Variants in ITFG1 observed in about 807,000 individuals in gnomAD.
The protein encoded by ITFG1 is integrin alpha FG-GAP repeat containing 1.
Under a neutral mutation model 81.8 loss-of-function variants are expected in ITFG1, and 34 were observed. The ratio of observed to expected loss-of-function variants is 0.42; its 90% CI spans 0.32 to 0.55. The LOEUF (loss-of-function observed/expected upper bound fraction) is 0.55, where lower values mean the gene tolerates loss of function less well. Ranked by LOEUF, ITFG1 falls within the 20% of genes least tolerant of loss-of-function variation. The pLI is 0.17. For missense variants in ITFG1, 672 were observed against 755.4 expected (o/e 0.89, Z 1.29); for synonymous variants, 285 against 270.6 (o/e 1.05, Z -0.52).
chr16:47,244,946 C>A (rs1431982891), intron 12 of ITFG1, among the ~76,000 whole-genome samples: 1 of 152,108 alleles, frequency 6.6e-6, no homozygotes, highest in African/African-American at 2.4e-5. Flanking sequence ...TCTTTAACTT[C>A]CTAGCTTCTA....
intron 10 of ITFG1, among the ~76,000 whole-genome samples, chr16:47,305,629 T>C (rs1218468924): frequency 6.6e-6 from 1 of 152,162 alleles, no homozygotes; most frequent in Non-Finnish European, 1.5e-5. Context: ...TCCAGTATCT[T>C]AGAAAGAACA....
chr16:47,169,134 G>T (rs1188341936), intron 14 of ITFG1, among the ~76,000 whole-genome samples: 1 of 152,134 alleles, frequency 6.6e-6, no homozygotes, highest in Non-Finnish European at 1.5e-5. Flanking sequence ...TAGCTTTGTA[G>T]TAACTTTTGA....
At chr16:47,427,853 A>T (rs1355502842) in intron 6 of ITFG1, among the ~76,000 whole-genome samples, 2 of 152,158 alleles carry the variant, frequency 1.3e-5, no homozygotes, top group African/African-American at 4.8e-5. Flanking sequence ...ATTGTTGTTG[A>T]TTGGGTGTGG....
intron 8 of ITFG1, among the ~76,000 whole-genome samples, chr16:47,337,567 C>T (rs923795531): frequency 6.6e-6 from 1 of 152,064 alleles, no homozygotes; most frequent in Non-Finnish European, 1.5e-5. Flanking sequence ...GAGACTCTGT[C>T]TCATAAAATA....
chr16:47,188,483 AATC>A (rs1168861392), intron 14 of ITFG1, among the ~76,000 whole-genome samples: 1 of 150,860 alleles, frequency 6.6e-6, no homozygotes, highest in African/African-American at 2.4e-5. Flanking sequence ...TGAAATTGGA[AATC>A]ATCATTCTCA....
At chr16:47,300,900 C>A (rs1967065764) in intron 10 of ITFG1, among the ~76,000 whole-genome samples, 1 of 152,172 alleles carries the variant, frequency 6.6e-6, no homozygotes, top group African/African-American at 2.4e-5. Flanking sequence ...ACTGGATCTA[C>A]TTCTAATTGA....
At chr16:47,185,975 C>G (rs1480338856) in intron 14 of ITFG1, among the ~76,000 whole-genome samples, 3 of 152,192 alleles carry the variant, frequency 2.0e-5, no homozygotes, top group African/African-American at 7.2e-5. Flanking sequence ...GAGAATACTA[C>G]AAACATCTCT....
At chr16:47,274,228 G>C (rs1966374251) in intron 10 of ITFG1, among the ~76,000 whole-genome samples, 1 of 152,010 alleles carries the variant, frequency 6.6e-6, no homozygotes, top group Admixed American at 6.6e-5. Context: ...TTGCACTCCA[G>C]CCTGGGGGAC....
At chr16:47,160,091 T>C (rs1964777721) in intron 16 of ITFG1, among the ~76,000 whole-genome samples, 1 of 151,806 alleles carries the variant, frequency 6.6e-6, no homozygotes. Flanking sequence ...CTTAGTGTTA[T>C]ACTCATACTT....
chr16:47,356,114 T>G (rs1567472490), intron 8 of ITFG1, among the ~76,000 whole-genome samples: 2 of 152,274 alleles, frequency 1.3e-5, no homozygotes, highest in South Asian at 2.1e-4. Context: ...GCTCTGCCAC[T>G]CCCTCCCTAG....
At chr16:47,315,775 A>ATATATATATATATG (rs200525858) in intron 8 of ITFG1, among the ~76,000 whole-genome samples, 9 of 151,286 alleles carry the variant, frequency 5.9e-5, no homozygotes, top group African/African-American at 2.2e-4. Flanking sequence ...TGCCATATAT[A>ATATATATATATATG]TATACACATA....
chr16:47,415,803 TA>T (rs900695968), intron 6 of ITFG1, among the ~76,000 whole-genome samples: 2 of 152,090 alleles, frequency 1.3e-5, no homozygotes, highest in Admixed American at 6.5e-5. Context: ...TTCACCTCTT[TA>T]AAAATCTTGC....
At chr16:47,451,199 G>A (rs1180137430) in intron 5 of ITFG1, among the ~76,000 whole-genome samples, 197 bp downstream of exon 5, 3 of 152,098 alleles carry the variant, frequency 2.0e-5, no homozygotes, top group African/African-American at 7.2e-5. Context: ...TTTTCAAAGA[G>A]ATAAAAGGAG....
intron 13 of ITFG1, among the ~76,000 whole-genome samples, chr16:47,221,587 G>T (rs1965692077): frequency 6.6e-6 from 1 of 152,142 alleles, no homozygotes; most frequent in Admixed American, 6.5e-5. Flanking sequence ...TCAGGATGAT[G>T]CTGGCCTCAT....
chr16:47,271,573 A>G (rs1212750569), intron 10 of ITFG1, among the ~76,000 whole-genome samples: 3 of 152,194 alleles, frequency 2.0e-5, no homozygotes, highest in African/African-American at 4.8e-5. Context: ...TTAAAAACAG[A>G]GTTCTGGCCG....
At chr16:47,181,973 C>T (rs1380904823) in intron 14 of ITFG1, among the ~76,000 whole-genome samples, 1 of 152,028 alleles carries the variant, frequency 6.6e-6, no homozygotes, top group Non-Finnish European at 1.5e-5. Context: ...TAAACAGATG[C>T]TTGAAGGCAG....
chr16:47,338,678 A>C (rs28868140), intron 8 of ITFG1, among the ~76,000 whole-genome samples: 1 of 150,884 alleles, frequency 6.6e-6, no homozygotes, highest in Non-Finnish European at 1.5e-5. Context: ...TTAAATTTTT[A>C]ATTTTTGTGG....
At chr16:47,167,738 G>A (rs546231238) in intron 14 of ITFG1, among the ~76,000 whole-genome samples, 1 of 152,206 alleles carries the variant, frequency 6.6e-6, no homozygotes, top group East Asian at 1.9e-4. Flanking sequence ...TTACACGGAC[G>A]CGCATGAAAA....
intron 14 of ITFG1, among the ~76,000 whole-genome samples, chr16:47,212,245 G>A (rs1596811266): frequency 1.3e-5 from 2 of 152,042 alleles, no homozygotes; most frequent in Admixed American, 1.3e-4. Context: ...ACGGGGTCTT[G>A]CTGTGTCACC....
Sources: gnomAD v4.1 joint callset for allele counts (sites outside exome capture counted in the v4.1 genomes callset) on GRCh38, gnomAD v4.1.1 for gene constraint, MANE v1.5 for transcripts, NCBI Gene and HGNC (gene_info 2026-07-23, HGNC 2026-07-21) for gene names.